Variants in PLPPR1 observed in about 807,000 individuals in gnomAD.
The protein encoded by PLPPR1 is phospholipid phosphatase-related protein type 1.
In PLPPR1, 10 loss-of-function variants were observed where a neutral mutation model predicts 33.1. The ratio of observed to expected loss-of-function variants is 0.30; its 90% CI spans 0.19 to 0.51. The LOEUF (loss-of-function observed/expected upper bound fraction) is 0.51, where lower values mean the gene tolerates loss of function less well. PLPPR1 is among the 20% of genes least tolerant of loss of function. The pLI, the probability that PLPPR1 is intolerant of heterozygous loss-of-function variation, is 0.97. For synonymous variants in PLPPR1, 151 were observed against 151.0 expected (o/e 1.00, Z 0.00); for missense variants, 304 against 408.1 (o/e 0.74, Z 2.20).
chr9:101,201,030 A>C (rs1227708506), intron 2 of PLPPR1, among the ~76,000 whole-genome samples: 2 of 152,210 alleles, frequency 1.3e-5, no homozygotes, highest in Middle Eastern at 3.2e-3. Flanking sequence ...ACAAGGTGCC[A>C]GCAAAGTATT....
chr9:101,148,459 G>T (rs762028536), intron 1 of PLPPR1, among the ~76,000 whole-genome samples: 1 of 152,072 alleles, frequency 6.6e-6, no homozygotes, highest in African/African-American at 2.4e-5. Flanking sequence ...CCATTTGTTG[G>T]AACTGTTTCT....
chr9:101,170,955 G>T, intron 1 of PLPPR1, among the ~76,000 whole-genome samples: 1 of 151,902 alleles, frequency 6.6e-6, no homozygotes, highest in Non-Finnish European at 1.5e-5. Flanking sequence ...AAAAAGAAAA[G>T]AAAATGGCAT....
At chr9:101,295,584 G>T (rs1266026530) in intron 4 of PLPPR1, among the ~76,000 whole-genome samples, 1 of 149,666 alleles carries the variant, frequency 6.7e-6, no homozygotes, top group Non-Finnish European at 1.5e-5. Flanking sequence ...AAACAGCATG[G>T]TACTGGTACC....
intron 1 of PLPPR1, among the ~76,000 whole-genome samples, chr9:101,069,742 C>T (rs1830461184): frequency 6.6e-6 from 1 of 152,098 alleles, no homozygotes; most frequent in South Asian, 2.1e-4. Flanking sequence ...ACTTACGTCC[C>T]TAACTGTCAG....
intron 4 of PLPPR1, among the ~76,000 whole-genome samples, chr9:101,289,001 A>G (rs1290042549): frequency 6.6e-6 from 1 of 152,182 alleles, no homozygotes; most frequent in African/African-American, 2.4e-5. Flanking sequence ...AACATAGCCT[A>G]CAGAGCCCTT....
At chr9:101,170,751 T>C (rs139628999) in intron 1 of PLPPR1, among the ~76,000 whole-genome samples, 28 of 152,130 alleles carry the variant, frequency 1.8e-4, no homozygotes, top group African/African-American at 5.1e-4. Flanking sequence ...GCCTGGGCAA[T>C]GTAGTGAGAC....
chr9:101,045,948 A>G (rs1163408409), intron 1 of PLPPR1, among the ~76,000 whole-genome samples: 1 of 152,228 alleles, frequency 6.6e-6, no homozygotes, highest in Admixed American at 6.5e-5. Context: ...TTAGATTACA[A>G]AAATATCAGC....
intron 1 of PLPPR1, among the ~76,000 whole-genome samples, chr9:101,059,817 A>G (rs1830322568): frequency 6.6e-6 from 1 of 152,042 alleles, no homozygotes; most frequent in African/African-American, 2.4e-5. Context: ...CAAGATAACG[A>G]GTGCTGGCAT....
At chr9:101,099,660 A>C (rs1374606816) in intron 1 of PLPPR1, among the ~76,000 whole-genome samples, 1 of 152,190 alleles carries the variant, frequency 6.6e-6, no homozygotes, top group African/African-American at 2.4e-5. Flanking sequence ...TAAGGAATTA[A>C]GAGATGGTTT....
chr9:101,118,183 C>T (rs1831138242), intron 1 of PLPPR1, among the ~76,000 whole-genome samples: 2 of 152,174 alleles, frequency 1.3e-5, no homozygotes, highest in Non-Finnish European at 2.9e-5. Flanking sequence ...AGGCTATGAC[C>T]TGCTGTGGGC....
intron 7 of PLPPR1, among the ~76,000 whole-genome samples, chr9:101,321,147 CT>C (rs769673784): frequency 6.6e-6 from 1 of 152,168 alleles, no homozygotes; most frequent in African/African-American, 2.4e-5. Context: ...GCATGTGGAC[CT>C]TTTCAGATCA....
intron 3 of PLPPR1, among the ~76,000 whole-genome samples, chr9:101,285,453 T>G (rs999445151): frequency 2.4e-4 from 37 of 152,210 alleles, no homozygotes; most frequent in African/African-American, 8.4e-4. Flanking sequence ...TGTGATCAAA[T>G]AAGAATTTAG....
At chr9:101,155,355 G>A (rs1204006610) in intron 1 of PLPPR1, among the ~76,000 whole-genome samples, 2 of 152,186 alleles carry the variant, frequency 1.3e-5, no homozygotes, top group African/African-American at 4.8e-5. Context: ...AGGTTGGGAA[G>A]TCCAAAGTTG....
intron 4 of PLPPR1, among the ~76,000 whole-genome samples, chr9:101,303,407 T>G (rs1019679809): frequency 6.6e-6 from 1 of 152,184 alleles, no homozygotes. Context: ...GTTCAAGTGA[T>G]TCTCCTGTCT....
At chr9:101,221,624 G>A (rs1378789833) in intron 2 of PLPPR1, among the ~76,000 whole-genome samples, 1 of 152,106 alleles carries the variant, frequency 6.6e-6, no homozygotes, top group Non-Finnish European at 1.5e-5. Flanking sequence ...ACCACCCTGA[G>A]GTAGGTATTG....
chr9:101,178,296 C>A (rs1040371267), intron 1 of PLPPR1, among the ~76,000 whole-genome samples: 12 of 152,182 alleles, frequency 7.9e-5, no homozygotes, highest in Non-Finnish European at 1.3e-4. Context: ...ACTGCCACTG[C>A]TGAGTGCCCA....
chr9:101,200,793 T>A (rs867910769), intron 2 of PLPPR1, among the ~76,000 whole-genome samples: 1 of 152,174 alleles, frequency 6.6e-6, no homozygotes, highest in African/African-American at 2.4e-5. Flanking sequence ...AAATGTTTGG[T>A]ATACATTGCA....
chr9:101,096,759 G>A (rs1210572117), intron 1 of PLPPR1, among the ~76,000 whole-genome samples: 1 of 152,132 alleles, frequency 6.6e-6, no homozygotes, highest in South Asian at 2.1e-4. Flanking sequence ...TGCCATCTAA[G>A]TGAATATGGT....
chr9:101,104,628 G>A (rs1830948916), intron 1 of PLPPR1, among the ~76,000 whole-genome samples: 1 of 111,642 alleles, frequency 9.0e-6, no homozygotes. Flanking sequence ...TTGTGTCTCT[G>A]CCCGGCTTTG....
Sources: gnomAD v4.1 joint callset for allele counts (sites outside exome capture counted in the v4.1 genomes callset) on GRCh38, gnomAD v4.1.1 for gene constraint, MANE v1.5 for transcripts, NCBI Gene and HGNC (gene_info 2026-07-23, HGNC 2026-07-21) for gene names.